Variants in GRID1 observed in about 807,000 individuals in gnomAD.
GRID1 encodes the protein glutamate ionotropic receptor delta type subunit 1, also known as glutamate receptor ionotropic, delta-1.
Under a neutral mutation model 98.0 loss-of-function variants are expected in GRID1, and 28 were observed. The observed-to-expected ratio is 0.29, with a 90% CI of 0.21 to 0.39. The LOEUF is 0.39. GRID1 is among the 10% of genes least tolerant of loss of function. The pLI is 1.00. For synonymous variants in GRID1, 553 were observed against 538.5 expected (o/e 1.03, Z -0.37); for missense variants, 1,111 against 1,340.5 (o/e 0.83, Z 2.67).
At chr10:85,839,621 C>T (rs1345500329) in intron 8 of GRID1, among the ~76,000 whole-genome samples, 4 of 152,102 alleles carry the variant, frequency 2.6e-5, no homozygotes, top group African/African-American at 7.2e-5. Flanking sequence ...ATAACTAAGG[C>T]AGTGTTAACG....
chr10:86,202,325 T>C (rs1249207223), intron 3 of GRID1, among the ~76,000 whole-genome samples: 1 of 152,260 alleles, frequency 6.6e-6, no homozygotes, highest in Admixed American at 6.5e-5. Context: ...ATTTTTTGAA[T>C]GAAGGAGTCA....
At chr10:86,230,924 C>T (rs911137001) in intron 2 of GRID1, among the ~76,000 whole-genome samples, 5 of 152,180 alleles carry the variant, frequency 3.3e-5, no homozygotes, top group African/African-American at 4.8e-5. Flanking sequence ...TCTCTGTGCC[C>T]GGCGGTGTGG....
chr10:85,618,018 C>A (rs1004453855), intron 14 of GRID1, among the ~76,000 whole-genome samples: 17 of 152,220 alleles, frequency 1.1e-4, no homozygotes, highest in Non-Finnish European at 2.4e-4. Flanking sequence ...CACCCCTCCC[C>A]ACTCATCTCC....
Position 86,198,734 on chromosome 10 carries a change from G to A in GRID1, c.520+7630C>T, listed in dbSNP as rs114169844. Among the ~76,000 whole-genome samples the A allele has an allele frequency of 2.0e-3, 304 of 152,220 alleles. 2 individuals are homozygous for A. Among genetic ancestry groups the A allele is most frequent in the African/African-American group, 7.0e-3 (290 of 41,548 alleles). On this transcript the variant is annotated intron_variant, in intron 3 of 15. Coordinates refer to ENST00000327946, the MANE Select transcript of GRID1 (RefSeq NM_017551.3). Reference sequence around the variant, plus strand: ...GAGCCCATGCCCCTAACTATTAAACGCAAAGGTTATCCTGAGCCTGACTGG... The same window carrying A: ...GAGCCCATGCCCCTAACTATTAAACACAAAGGTTATCCTGAGCCTGACTGG...
chr10:86,145,676 T>C lies in GRID1; in HGVS notation c.521-6652A>G, dbSNP rs553022076. Reference sequence around the variant, plus strand: ...CTGAGGCCATCTCAGGTCCTCAAGTTGAAATTCATGCCCCCTTCAAATTTA... The same window carrying C: ...CTGAGGCCATCTCAGGTCCTCAAGTCGAAATTCATGCCCCCTTCAAATTTA... On this transcript the variant is annotated intron_variant, in intron 3 of 15. Coordinates refer to ENST00000327946, the MANE Select transcript of GRID1 (RefSeq NM_017551.3). Among the ~76,000 whole-genome samples, 54 of 152,264 alleles carry C rather than the reference T, an allele frequency of 3.5e-4. No homozygotes were observed. In the Middle Eastern group the frequency reaches 0.01, roughly 29 times the overall value.
chr10:85,884,150 T>G (rs2131805404), intron 5 of GRID1, among the ~76,000 whole-genome samples: 1 of 152,362 alleles, frequency 6.6e-6, no homozygotes, highest in South Asian at 2.1e-4. Context: ...GATGTTACTC[T>G]TGATGGACTC....
chr10:86,020,393 G>A (rs1260838361), intron 4 of GRID1, among the ~76,000 whole-genome samples: 1 of 152,204 alleles, frequency 6.6e-6, no homozygotes, highest in South Asian at 2.1e-4. Context: ...GGATGTGCAG[G>A]AGTCGACACT....
intron 8 of GRID1, among the ~76,000 whole-genome samples, chr10:85,825,445 C>G (rs1428955327): frequency 6.6e-6 from 1 of 151,552 alleles, no homozygotes; most frequent in Non-Finnish European, 1.5e-5. Flanking sequence ...AGTCATTTGT[C>G]AGATGCATCA....
At chr10:85,777,658 A>C (rs757420597) in intron 8 of GRID1, among the ~76,000 whole-genome samples, 3 of 152,202 alleles carry the variant, frequency 2.0e-5, no homozygotes, top group African/African-American at 7.2e-5. Context: ...GAAATTGCCA[A>C]TTTACTTGCT....
At chr10:86,292,758 G>A (rs1847534055) in intron 2 of GRID1, among the ~76,000 whole-genome samples, 1 of 152,008 alleles carries the variant, frequency 6.6e-6, no homozygotes, top group African/African-American at 2.4e-5. Flanking sequence ...GGGAGTGGGT[G>A]TGAGTGTGAC....
At chr10:86,196,446 C>A (rs1845874138) in intron 3 of GRID1, among the ~76,000 whole-genome samples, 1 of 152,118 alleles carries the variant, frequency 6.6e-6, no homozygotes, top group African/African-American at 2.4e-5. Context: ...TCACAGGAAC[C>A]CTCCACGGTA....
At chr10:85,954,846 C>A (rs1054451732) in intron 4 of GRID1, among the ~76,000 whole-genome samples, 1 of 152,102 alleles carries the variant, frequency 6.6e-6, no homozygotes, top group East Asian at 1.9e-4. Context: ...TTAATCCCTC[C>A]GAGCCATAGT....
chr10:85,859,265 A>T (rs897286052), intron 6 of GRID1, among the ~76,000 whole-genome samples: 9 of 152,230 alleles, frequency 5.9e-5, no homozygotes, highest in Non-Finnish European at 1.0e-4. Context: ...CACATGGTAG[A>T]CACATGTATG....
chr10:86,084,573 T>A (rs144576127), intron 4 of GRID1, among the ~76,000 whole-genome samples: 21 of 152,322 alleles, frequency 1.4e-4, no homozygotes, highest in African/African-American at 5.1e-4. Flanking sequence ...CTCAAAGAGA[T>A]ACTTGCACAC....
At chr10:85,869,744 A>G (rs17105916) in intron 5 of GRID1, among the ~76,000 whole-genome samples, 39,865 of 152,150 alleles carry the variant, frequency 0.26, 5,384 homozygotes, top group African/African-American at 0.33. Context: ...ATACAGCCAG[A>G]AAAAAATCAG....
intron 4 of GRID1, among the ~76,000 whole-genome samples, chr10:85,998,077 T>C (rs1306924934): frequency 1.3e-5 from 2 of 152,132 alleles, no homozygotes; most frequent in African/African-American, 4.8e-5. Flanking sequence ...TTCTCAGCAA[T>C]AGATAGATTT....
chr10:86,142,815 A>C (rs943985794), intron 3 of GRID1, among the ~76,000 whole-genome samples: 3 of 152,184 alleles, frequency 2.0e-5, no homozygotes, highest in Admixed American at 6.5e-5. Flanking sequence ...CTGGGGGAAA[A>C]GTCTCCTTCA....
intron 12 of GRID1, among the ~76,000 whole-genome samples, chr10:85,700,277 A>G (rs1467933679): frequency 6.6e-6 from 1 of 152,196 alleles, no homozygotes; most frequent in Non-Finnish European, 1.5e-5. Flanking sequence ...AGAGAAAAAC[A>G]GACAGGTTAA....
At chr10:86,153,425 C>A (rs1052277648) in intron 3 of GRID1, among the ~76,000 whole-genome samples, 1 of 152,186 alleles carries the variant, frequency 6.6e-6, no homozygotes, top group Admixed American at 6.5e-5. Context: ...TATTAACAAA[C>A]AAAATTGATA....
Sources: allele counts gnomAD v4.1 joint callset (sites outside exome capture counted in the v4.1 genomes callset), GRCh38; gene constraint gnomAD v4.1.1; transcripts MANE v1.5; gene names NCBI Gene and HGNC (gene_info 2026-07-23, HGNC 2026-07-21).